Variants in P2RY8 observed in about 807,000 individuals in gnomAD.
The protein encoded by P2RY8 is P2Y receptor family member 8.
A neutral mutation model predicts 10.0 loss-of-function variants in P2RY8; 6 were observed. That is an observed-to-expected ratio of 0.60 (90% CI 0.33 to 1.19). The LOEUF (loss-of-function observed/expected upper bound fraction) is 1.19, where lower values mean the gene tolerates loss of function less well. Ranked by LOEUF, P2RY8 falls within the 50% of genes most tolerant of loss-of-function variation. The pLI is 0.04. For missense variants in P2RY8, 456 were observed against 542.0 expected (o/e 0.84, Z 1.58); for synonymous variants, 276 against 252.5 (o/e 1.09, Z -0.88).
rs1486909256 is a variant in P2RY8, at chrX:1,502,013, C to T, written c.-25+34908G>A. ...GCAACCTCCGCCTCCCGGGTTCAAA[C>T]GATTGTCCTGCCTCGGCCTCTTGAA... is the stretch of plus-strand genomic sequence containing the variant. On this transcript the variant is annotated intron_variant, in intron 1 of 1. Transcript: ENST00000381297. 4.6e-5 allele frequency among the ~76,000 whole-genome samples: 7 copies of T among 152,244 alleles called. 1 individual carries two copies. In the South Asian group the frequency reaches 6.2e-4, roughly 14 times the overall value.
chrX:1,524,832 TC>T (rs2092428632), intron 1 of P2RY8, among the ~76,000 whole-genome samples: 1 of 108,512 alleles, frequency 9.2e-6, no homozygotes, highest in Non-Finnish European at 2.1e-5. Flanking sequence ...CATCCATCCA[TC>T]CATCCATCCA....
intron 1 of P2RY8, among the ~76,000 whole-genome samples, chrX:1,536,597 G>A (rs1215599759): frequency 2.0e-5 from 3 of 152,164 alleles, no homozygotes; most frequent in South Asian, 2.1e-4. Context: ...GGGTTTCACC[G>A]TGTTAGCCAG....
chrX:1,512,775 T>G (rs1312247896), intron 1 of P2RY8, among the ~76,000 whole-genome samples: 1 of 152,100 alleles, frequency 6.6e-6, no homozygotes, highest in Admixed American at 6.6e-5. Flanking sequence ...AGGAACAGTA[T>G]GGGAGAAAAC....
Position 1,466,170 on chromosome X carries a change from C to G in P2RY8, c.389G>C (p.Ser130Thr). 1 of 1,612,346 alleles carries G rather than the reference C, an allele frequency of 6.2e-7. No homozygotes were observed. Among genetic ancestry groups the G allele is most frequent in the East Asian group, 2.2e-5 (1 of 44,838 alleles). ...ACGACGGCGGCGCCAGCGCTTGGAG[C>G]TGAGCGGGTACAGGACCCCCAGGAA... ...ERFLGVLYPL[S>T]SKRWRRRRYA... Residue 130 changes from serine (S) to threonine (T), a missense_variant, in exon 2 of 2, where the codon AGC becomes ACC. Coordinates refer to ENST00000381297, the MANE Select transcript of P2RY8 (RefSeq NM_178129.5).
At chrX:1,534,144 A>ATATAT (rs1491322339) in intron 1 of P2RY8, among the ~76,000 whole-genome samples, 3 of 134,534 alleles carry the variant, frequency 2.2e-5, no homozygotes, top group Admixed American at 8.1e-5. Flanking sequence ...ATATATTTAC[A>ATATAT]TATATATTTA....
intron 1 of P2RY8, among the ~76,000 whole-genome samples, chrX:1,498,726 C>T (rs1275377783): frequency 1.3e-5 from 2 of 151,598 alleles, no homozygotes; most frequent in Non-Finnish European, 2.9e-5. Flanking sequence ...CCATGTTGCA[C>T]AGGCTGAACT....
At position 1,477,227 on chromosome X, in the gene P2RY8, A is replaced by G. The variant is rs765740869; in HGVS notation, c.-24-10645T>C. Reference sequence around the variant, plus strand: ...GAAGAAGAAGAAGAAGAAATTCACCATCTGTCTATCCATGAATCCATTTGT... The same window carrying G: ...GAAGAAGAAGAAGAAGAAATTCACCGTCTGTCTATCCATGAATCCATTTGT... On this transcript the variant is annotated intron_variant, in intron 1 of 1. Coordinates refer to ENST00000381297, the MANE Select transcript of P2RY8 (RefSeq NM_178129.5). Among the ~76,000 whole-genome samples the G allele has an allele frequency of 3.3e-5, 5 of 151,832 alleles. No homozygotes were observed. The South Asian group carries it at 8.3e-4, about 25-fold the overall frequency.
intron 1 of P2RY8, among the ~76,000 whole-genome samples, chrX:1,480,410 A>C (rs2091921567): frequency 7.0e-6 from 1 of 141,862 alleles, no homozygotes; most frequent in African/African-American, 2.7e-5. Context: ...TTTTTTTGAG[A>C]CAGGGCCTTT....
At chrX:1,515,954 T>TGGATCACCTGA (rs2092344262) in intron 1 of P2RY8, among the ~76,000 whole-genome samples, 1 of 90,396 alleles carries the variant, frequency 1.1e-5, no homozygotes, top group Non-Finnish European at 2.2e-5. Context: ...GGTCGGGGGG[T>TGGATCACCTGA]GGTGGATCAC....
chrX:1,476,109 G>C (rs1207282038), intron 1 of P2RY8, among the ~76,000 whole-genome samples: 1 of 152,152 alleles, frequency 6.6e-6, no homozygotes, highest in Non-Finnish European at 1.5e-5. Context: ...TCCAGCTCCA[G>C]GAGGGAGGAG....
At chrX:1,521,735 G>A (rs372107488) in intron 1 of P2RY8, among the ~76,000 whole-genome samples, 1 of 152,002 alleles carries the variant, frequency 6.6e-6, no homozygotes, top group African/African-American at 2.4e-5. Flanking sequence ...CCAGTCAGCC[G>A]CACCTCAGCT....
At chrX:1,529,878 G>C (rs1313570696) in intron 1 of P2RY8, among the ~76,000 whole-genome samples, 5 of 151,796 alleles carry the variant, frequency 3.3e-5, no homozygotes, top group African/African-American at 7.3e-5. Flanking sequence ...GGCACACTGG[G>C]TAATGTCTGA....
intron 1 of P2RY8, 100 bp from the exon 2 acceptor site, chrX:1,466,682 G>GGGAGA (rs1181091347): frequency 8.4e-7 from 1 of 1,188,700 alleles, no homozygotes; most frequent in Non-Finnish European, 1.2e-6. Context: ...ACCAAGGCGG[G>GGGAGA]GGAGATGCTT....
chrX:1,511,733 G>A (rs2092298984), intron 1 of P2RY8, among the ~76,000 whole-genome samples: 1 of 152,206 alleles, frequency 6.6e-6, no homozygotes, highest in Non-Finnish European at 1.5e-5. Flanking sequence ...ACGGCACTGA[G>A]CATTGCCTTC....
At chrX:1,482,666 AG>A (rs1376145428) in intron 1 of P2RY8, among the ~76,000 whole-genome samples, 1 of 152,208 alleles carries the variant, frequency 6.6e-6, no homozygotes, top group Non-Finnish European at 1.5e-5. Context: ...GGTGTAAGGA[AG>A]GGATCCAGTT....
chrX:1,509,588 G>T (rs1408121365), intron 1 of P2RY8, among the ~76,000 whole-genome samples: 1 of 114,872 alleles, frequency 8.7e-6, no homozygotes. Flanking sequence ...TCCATTCATT[G>T]TATCTATCAT....
At chrX:1,514,081 C>T (rs1459344481) in intron 1 of P2RY8, among the ~76,000 whole-genome samples, 1 of 152,200 alleles carries the variant, frequency 6.6e-6, no homozygotes, top group African/African-American at 2.4e-5. Flanking sequence ...GCGTTAACAA[C>T]TTGTGCCCGT....
At position 1,466,400 on chromosome X, in the gene P2RY8, C is replaced by T. The variant is rs769216080; in HGVS notation, c.159G>A (p.Gly53=). 6 of 1,613,522 alleles carry T rather than the reference C, an allele frequency of 3.7e-6. No homozygotes were observed. Among genetic ancestry groups the T allele is most frequent in the South Asian group, 3.3e-5 (3 of 91,066 alleles). Residue 53 remains glycine, a synonymous_variant, in exon 2 of 2, where the codon GGG becomes GGA. Coordinates refer to ENST00000381297, the MANE Select transcript of P2RY8 (RefSeq NM_178129.5). ...TGAAGATGACCGACGGGGATCTGGG[C>T]CCCATGCGCCGGCACAGCACCCACA... is the stretch of plus-strand genomic sequence containing the variant. ...FSLWVLCRRM[G]PRSPSVIFMI...
rs1350292884 is a variant in P2RY8 at position 1,537,118 on chromosome X, G to T, written c.-222C>A. 8.6e-6 allele frequency: 2 copies of T among 232,644 alleles called. No individual in the cohort carries two copies. The highest frequency in any genetic ancestry group is 1.7e-5 in the Non-Finnish European group (2 of 117,782). The allele number at this position is 232,644 out of a possible 1,614,324, so 14.4% of individuals were successfully genotyped here. ...GACGGCTGCCCTTCCAGTTCCATCTGTCCAGCAACCTTGCAAAGGCGGCCG... is the reference window on the plus strand; with the variant it reads ...GACGGCTGCCCTTCCAGTTCCATCTTTCCAGCAACCTTGCAAAGGCGGCCG... On this transcript the variant is annotated 5_prime_UTR_variant, in exon 1 of 2. Coordinates refer to ENST00000381297, the MANE Select transcript of P2RY8 (RefSeq NM_178129.5).
Sources: gnomAD v4.1 joint callset for allele counts (sites outside exome capture counted in the v4.1 genomes callset) on GRCh38, gnomAD v4.1.1 for gene constraint, MANE v1.5 for transcripts, NCBI Gene and HGNC (gene_info 2026-07-23, HGNC 2026-07-21) for gene names.